Variants in MAST4 observed in about 807,000 individuals in gnomAD.
MAST4 encodes microtubule-associated serine/threonine-protein kinase 4.
MAST4 carries 89 observed loss-of-function variants against 162.7 expected under a neutral mutation model. The observed-to-expected ratio is 0.55, with a 90% CI of 0.46 to 0.65. The LOEUF is 0.65. Ranked by LOEUF, MAST4 falls within the 30% of genes least tolerant of loss-of-function variation. MAST4 has a pLI of 0.00. For missense variants in MAST4, 3,153 were observed against 3,374.0 expected (o/e 0.93, Z 1.62); for synonymous variants, 1,479 against 1,361.1 (o/e 1.09, Z -1.91).
At position 67,160,474 on chromosome 5, in the gene MAST4, A is replaced by G. The variant is rs748614750; in HGVS notation, c.3667A>G (p.Ile1223Val). The change falls in exon 27 of 29, where the codon ATC becomes GTC. Residue 1223 changes from isoleucine (I) to valine (V), a missense_variant. Transcript: ENST00000403625. ...LLLKSGNKVSITTTPFENTSI... is the reference protein window; with the variant it reads ...LLLKSGNKVSVTTTPFENTSI... ...TCTTTAGAGTGGGAATAAGGTGTCA[A>G]TCACTACTACCCCATTTGAAAACAC... The G allele has an allele frequency of 4.1e-5, 66 of 1,611,624 alleles. No individual in the cohort carries two copies. Among genetic ancestry groups the G allele is most frequent in the Non-Finnish European group, 5.4e-5 (64 of 1,178,920 alleles).
At chr5:67,042,205 C>T (rs1756830970) in intron 4 of MAST4, among the ~76,000 whole-genome samples, 2 of 152,148 alleles carry the variant, frequency 1.3e-5, no homozygotes. Flanking sequence ...AACCTCCCTT[C>T]TTAGGCTCTG....
At chr5:66,845,645 G>A (rs1388443787) in intron 3 of MAST4, among the ~76,000 whole-genome samples, 4 of 152,042 alleles carry the variant, frequency 2.6e-5, no homozygotes, top group African/African-American at 9.7e-5. Context: ...TGGATGGCTG[G>A]GTCAAATTGT....
chr5:66,644,964 A>G (rs1221064954), intron 1 of MAST4, among the ~76,000 whole-genome samples: 1 of 151,382 alleles, frequency 6.6e-6, no homozygotes, highest in African/African-American at 2.4e-5. Context: ...ATATTCCACT[A>G]GAAGGATTAG....
intron 14 of MAST4, among the ~76,000 whole-genome samples, chr5:67,124,349 G>A (rs890145312): frequency 4.2e-4 from 64 of 152,102 alleles, no homozygotes; most frequent in African/African-American, 1.3e-3. Flanking sequence ...ACACTGGGAG[G>A]TTTACAGTCC....
chr5:66,745,538 A>G (rs534596429), intron 1 of MAST4, among the ~76,000 whole-genome samples: 1 of 152,332 alleles, frequency 6.6e-6, no homozygotes, highest in South Asian at 2.1e-4. Context: ...TCTGTGCTCC[A>G]TCCTGGACTG....
At chr5:66,825,259 A>AAG (rs1304717398) in intron 3 of MAST4, among the ~76,000 whole-genome samples, 7 of 112,188 alleles carry the variant, frequency 6.2e-5, no homozygotes, top group African/African-American at 2.5e-4. Flanking sequence ...GTTAAAAACT[A>AAG]AGACACACAC....
intron 1 of MAST4, among the ~76,000 whole-genome samples, chr5:66,660,733 T>C (rs1746853534): frequency 1.3e-5 from 2 of 152,206 alleles, no homozygotes; most frequent in Admixed American, 1.3e-4. Flanking sequence ...AAACTATTTT[T>C]TTGATGGTAG....
intron 1 of MAST4, among the ~76,000 whole-genome samples, chr5:66,604,104 A>C (rs1484685185): frequency 6.6e-6 from 1 of 152,182 alleles, no homozygotes; most frequent in African/African-American, 2.4e-5. Context: ...CCATGCCCTA[A>C]ATGTGAAATG....
At chr5:67,009,523 C>A (rs1752426953) in intron 4 of MAST4, among the ~76,000 whole-genome samples, 1 of 152,174 alleles carries the variant, frequency 6.6e-6, no homozygotes, top group East Asian at 1.9e-4. Flanking sequence ...ACTTCACTTG[C>A]TCCGTCTATA....
chr5:67,063,035 G>T (rs1759816044), intron 5 of MAST4, among the ~76,000 whole-genome samples: 1 of 152,148 alleles, frequency 6.6e-6, no homozygotes, highest in South Asian at 2.1e-4. Context: ...CCCAAGATCA[G>T]ATTTCTTATA....
intron 1 of MAST4, among the ~76,000 whole-genome samples, chr5:66,671,546 C>T (rs1362372750): frequency 6.6e-6 from 1 of 151,990 alleles, no homozygotes; most frequent in Non-Finnish European, 1.5e-5. Context: ...GGAGGATGAC[C>T]AGGAAGAAGG....
chr5:66,708,074 A>C (rs1030722451), intron 1 of MAST4, among the ~76,000 whole-genome samples: 1 of 152,200 alleles, frequency 6.6e-6, no homozygotes, highest in Non-Finnish European at 1.5e-5. Flanking sequence ...CTGAAATTCA[A>C]AATAATTAAA....
At chr5:67,129,262 A>T (rs1165315244) in intron 14 of MAST4, among the ~76,000 whole-genome samples, 1 of 152,156 alleles carries the variant, frequency 6.6e-6, no homozygotes, top group African/African-American at 2.4e-5. Flanking sequence ...GCAGTGAGGA[A>T]ATATGCTACC....
At chr5:66,760,772 GATAACTGTAATTAAC>G (rs1753811494) in intron 2 of MAST4, among the ~76,000 whole-genome samples, 1 of 152,108 alleles carries the variant, frequency 6.6e-6, no homozygotes, top group Non-Finnish European at 1.5e-5. Context: ...ACTACTGTAG[GATAACTGTAATTAAC>G]AAATATATAT....
intron 1 of MAST4, among the ~76,000 whole-genome samples, chr5:66,733,046 C>T (rs1415500474): frequency 1.3e-5 from 2 of 152,192 alleles, no homozygotes; most frequent in African/African-American, 4.8e-5. Flanking sequence ...ATGCTTCAAC[C>T]TCCATGGCTG....
chr5:67,074,284 C>A (rs925360081), intron 5 of MAST4, among the ~76,000 whole-genome samples: 1 of 151,862 alleles, frequency 6.6e-6, no homozygotes. Context: ...TATTAAACAG[C>A]AAACATGGTA....
rs779107446 is a variant in MAST4, at chr5:67,165,055, C to A, written c.5876C>A (p.Pro1959His). The change falls in exon 29 of 29, where the codon CCT (proline) becomes CAT (histidine). Residue 1959 changes from proline to histidine, a missense_variant. Around this residue, in one of 7 missense-constraint regions of MAST4, gnomAD observed 1,644 missense variants for 1,495.0 expected, o/e 1.10. Coordinates refer to ENST00000403625, the MANE Select transcript of MAST4 (RefSeq NM_001164664.2). Reference sequence around the variant, plus strand: ...GCCAGGCCACGCTGCCCGCTCCCACCTGAAGCTTCCCCCTCAAGGGAGAAG... The same window carrying A: ...GCCAGGCCACGCTGCCCGCTCCCACATGAAGCTTCCCCCTCAAGGGAGAAG... Reference protein sequence around the residue: ...DLARPRCPLPPEASPSREKPG... With the variant: ...DLARPRCPLPHEASPSREKPG... The A allele has an allele frequency of 1.2e-6, 2 of 1,604,678 alleles. No individual in the cohort carries two copies. The highest frequency in any genetic ancestry group is 1.7e-6 in the Non-Finnish European group (2 of 1,175,584).
intron 3 of MAST4, among the ~76,000 whole-genome samples, chr5:66,821,006 G>C (rs1397307881): frequency 1.3e-5 from 2 of 152,216 alleles, no homozygotes; most frequent in Non-Finnish European, 2.9e-5. Flanking sequence ...AAGTCTTCAG[G>C]ATTGCAAGTG....
intron 5 of MAST4, among the ~76,000 whole-genome samples, chr5:67,080,979 TATATATAATTGTATATATTATATAATATA>T (rs1561625832): frequency 0.012 from 1,427 of 118,844 alleles, 52 homozygotes; most frequent in African/African-American, 0.044. Context: ...TATTATATAA[TATATATAATTGTATATATTATATAATATA>T]ATATATAATT....
Sources: allele counts gnomAD v4.1 joint callset (sites outside exome capture counted in the v4.1 genomes callset), GRCh38; gene constraint gnomAD v4.1.1; regional missense constraint gnomAD v4.1.1; transcripts MANE v1.5; gene names NCBI Gene and HGNC (gene_info 2026-07-23, HGNC 2026-07-21).